Variants in MYO19 observed in about 807,000 individuals in gnomAD.
MYO19 encodes unconventional myosin-XIX.
A neutral mutation model predicts 129.2 loss-of-function variants in MYO19; 132 were observed. That is an observed-to-expected ratio of 1.02 (90% CI 0.89 to 1.18). MYO19 has a LOEUF of 1.18. Ranked by LOEUF, MYO19 falls within the 50% of genes most tolerant of loss-of-function variation. MYO19 has a pLI of 0.00. For synonymous variants in MYO19, 531 were observed against 477.2 expected (o/e 1.11, Z -1.47); for missense variants, 1,210 against 1,216.7 (o/e 0.99, Z 0.08).
chr17:36,499,660 G>GTTTCTTTTT, intron 23 of MYO19: 1 of 54,472 alleles, frequency 1.8e-5, no homozygotes, highest in Middle Eastern at 9.8e-3. Flanking sequence ...TTTTCTTTTT[G>GTTTCTTTTT]TTTCTTTTTT....
chr17:36,500,747 G>A, intron 23 of MYO19, 83 bp downstream of exon 23: 1 of 1,501,086 alleles, frequency 6.7e-7, no homozygotes, highest in Middle Eastern at 2.4e-4. Flanking sequence ...TCAGGAGATG[G>A]GGACTCGACG....
At chr17:36,538,477 C>T (rs749727512), upstream of MYO19, 11 of 1,614,010 alleles carry the variant, frequency 6.8e-6, no homozygotes, top group Non-Finnish European at 9.3e-6. Context: ...AATATAACAA[C>T]TGGCCTGATC....
chr17:36,515,750 TCCACCCCCACCCAA>T, intron 7 of MYO19, 94 bp downstream of exon 7: 1 of 1,277,502 alleles, frequency 7.8e-7, no homozygotes, highest in Non-Finnish European at 1.1e-6. Flanking sequence ...ACACTCATCC[TCCACCCCCACCCAA>T]GAGAGGGTCT....
intron 6 of MYO19, among the ~76,000 whole-genome samples, chr17:36,518,078 G>A (rs1456549896): frequency 4.4e-5 from 6 of 136,828 alleles, no homozygotes; most frequent in South Asian, 2.3e-4. Context: ...CAACAATAGC[G>A]AAACTATCTC....
intron 6 of MYO19, among the ~76,000 whole-genome samples, chr17:36,520,342 T>C (rs1437012797): frequency 6.6e-6 from 1 of 152,194 alleles, no homozygotes; most frequent in Non-Finnish European, 1.5e-5. Context: ...TGTGTTTTCT[T>C]TGTATTCATT....
intron 12 of MYO19, 164 bp downstream of exon 12, chr17:36,511,201 A>G: frequency 1.3e-6 from 1 of 741,210 alleles, no homozygotes; most frequent in Non-Finnish European, 2.2e-6. Flanking sequence ...TGTCTGCCTC[A>G]CCAGACAGGG....
intron 5 of MYO19, among the ~76,000 whole-genome samples, chr17:36,525,875 T>C (rs992577291): frequency 1.3e-5 from 2 of 152,210 alleles, no homozygotes; most frequent in Non-Finnish European, 2.9e-5. Context: ...TCAAGCTGGA[T>C]GCTGAGGAAA....
chr17:36,537,657 A>T (rs1567808826), upstream of MYO19: 1 of 1,614,208 alleles, frequency 6.2e-7, no homozygotes. Context: ...TCTAGAGGTC[A>T]GGAGGAGAAA....
At position 36,501,109 on chromosome 17, in the gene MYO19, A is replaced by G. The variant is rs780709922; in HGVS notation, c.2207T>C (p.Met736Thr). Residue 736 changes from methionine to threonine, a missense_variant, in exon 22 of 26, where the codon ATG (methionine) becomes ACG (threonine). Met to Thr is a moderately conservative substitution (Grantham distance 81). Coordinates refer to ENST00000614623, the MANE Select transcript of MYO19 (RefSeq NM_001163735.2). ...GAACACCTTGGTCCTGCCACAGTGC[A>G]TGGGGGCTGGCATGGCCTCAGCCGA... ...GDSAEAMPAP[M>T]HCGRTKVFMT... 1.9e-6 allele frequency: 3 copies of G among 1,613,890 alleles called. No homozygotes were observed. The highest frequency in any genetic ancestry group is 4.5e-5 in the East Asian group (2 of 44,896).
At chr17:36,516,534 C>T (rs2072763014) in intron 6 of MYO19, among the ~76,000 whole-genome samples, 2 of 152,180 alleles carry the variant, frequency 1.3e-5, no homozygotes, top group Non-Finnish European at 2.9e-5. Context: ...CCACGCCTGG[C>T]TAATTTTTTA....
chr17:36,513,030 TA>T (rs1053140415), intron 11 of MYO19: 8 of 1,049,508 alleles, frequency 7.6e-6, no homozygotes, highest in South Asian at 4.0e-5. Context: ...TTCTCAGGCA[TA>T]AAGGGAAATA....
chr17:36,525,821 T>C (rs1410618249), intron 5 of MYO19, among the ~76,000 whole-genome samples: 2 of 152,198 alleles, frequency 1.3e-5, no homozygotes, highest in Non-Finnish European at 1.5e-5. Flanking sequence ...CTGTTCCCCT[T>C]TTCTTCAACA....
chr17:36,498,986 T>G (rs1382799156), intron 24 of MYO19, 89 bp downstream of exon 24: 14 of 1,051,336 alleles, frequency 1.3e-5, no homozygotes, highest in Non-Finnish European at 1.8e-5. Flanking sequence ...CCACCTGCAT[T>G]GCAGTGGCAG....
chr17:36,532,925 C>T (rs1259193347), intron 2 of MYO19, among the ~76,000 whole-genome samples: 1 of 152,140 alleles, frequency 6.6e-6, no homozygotes, highest in African/African-American at 2.4e-5. Flanking sequence ...GCTGCAAACC[C>T]TCTGGGTCAG....
intron 3 of MYO19, among the ~76,000 whole-genome samples, 195 bp from the exon 4 acceptor site, chr17:36,528,397 G>T (rs1161965955): frequency 6.6e-6 from 1 of 152,100 alleles, no homozygotes; most frequent in Non-Finnish European, 1.5e-5. Flanking sequence ...TGTAGTCCCA[G>T]CTACTCGGAA....
Position 36,496,413 on chromosome 17 carries a change from G to GCTCTA in MYO19, c.2758-8_2758-7insTAGAG. Reference sequence around the variant, plus strand: ...AGTGAAACTTTATCGATCCCTAGAGGGGAGAGAGAGATGCAGCTTTAGCAC... The same window carrying GCTCTA: ...AGTGAAACTTTATCGATCCCTAGAGGCTCTAGGAGAGAGAGATGCAGCTTTAGCAC... On this transcript the variant is annotated splice_region_variant and splice_polypyrimidine_tract_variant and intron_variant, in intron 25 of 25. Transcript: ENST00000614623. The GCTCTA allele has an allele frequency of 6.2e-7, 1 of 1,613,784 alleles. No individual in the cohort carries two copies. Among genetic ancestry groups the GCTCTA allele is most frequent in the East Asian group, 2.2e-5 (1 of 44,890 alleles).
chr17:36,507,079 G>C lies in MYO19; in HGVS notation c.1528C>G (p.Leu510Val), dbSNP rs770590300. The C allele has an allele frequency of 9.3e-6, 15 of 1,613,616 alleles. No homozygotes were observed. Among genetic ancestry groups the C allele is most frequent in the African/African-American group, 1.3e-5 (1 of 75,056 alleles). ...TGGCCCAGGCAGGGGCTGCCTGCCA[G>C]GGCAGTCTCAATGCGTGTCTGGAGC... Reference protein sequence around the residue: ...AQLQTRIETALAGSPCLGHNK... With the variant: ...AQLQTRIETAVAGSPCLGHNK... The change falls in exon 17 of 26, where the codon CTG becomes GTG. Residue 510 changes from leucine to valine, a missense_variant. Leu to Val is a conservative substitution (Grantham distance 32). Transcript: ENST00000614623.
chr17:36,524,151 A>G (rs941609557), intron 6 of MYO19, among the ~76,000 whole-genome samples: 9 of 152,214 alleles, frequency 5.9e-5, no homozygotes, highest in African/African-American at 1.7e-4. Flanking sequence ...GAAGCTGGGC[A>G]TAAGCCACTT....
chr17:36,534,450 GC>G (rs2074009469), intron 1 of MYO19, among the ~76,000 whole-genome samples: 2 of 152,150 alleles, frequency 1.3e-5, no homozygotes, highest in African/African-American at 4.8e-5. Context: ...GGGACCAGCC[GC>G]CCCCTCCCGG....
Sources: gnomAD v4.1 joint callset for allele counts (sites outside exome capture counted in the v4.1 genomes callset) on GRCh38, gnomAD v4.1.1 for gene constraint, MANE v1.5 for transcripts, NCBI Gene and HGNC (gene_info 2026-07-23, HGNC 2026-07-21) for gene names.